The following UNC5C variants were observed in gnomAD, a reference collection of about 807,000 sequenced individuals.
The protein encoded by UNC5C is netrin receptor UNC5C.
Under a neutral mutation model 99.8 loss-of-function variants are expected in UNC5C, and 47 were observed. The ratio of observed to expected loss-of-function variants is 0.47; its 90% CI spans 0.37 to 0.60. UNC5C has a LOEUF of 0.60. Among genes scored for constraint, UNC5C ranks in the 20% least tolerant of loss-of-function variants. The probability of loss-of-function intolerance (pLI) is 0.00; values close to 1 mark genes in which losing one functional copy is unlikely to be tolerated. For synonymous variants in UNC5C, 487 were observed against 452.2 expected, an observed-to-expected ratio of 1.08 and a Z score of -0.98; for missense variants, 1,062 against 1,165.9, an observed-to-expected ratio of 0.91 and a Z score of 1.30.
At chr4:95,369,053 C>T (rs938596320) in intron 1 of UNC5C, among the ~76,000 whole-genome samples, 1 of 152,000 alleles carries the variant, frequency 6.6e-6, no homozygotes, top group African/African-American at 2.4e-5. Context: ...GAGATGGAGT[C>T]TCACTATGTT....
intron 1 of UNC5C, among the ~76,000 whole-genome samples, chr4:95,381,873 T>C (rs1745081068): frequency 6.6e-6 from 1 of 152,184 alleles, no homozygotes; most frequent in Non-Finnish European, 1.5e-5. Context: ...TTAATAGTGA[T>C]TGGTTATTGA....
At chr4:95,507,752 A>T (rs1034520625) in intron 1 of UNC5C, among the ~76,000 whole-genome samples, 51 of 151,964 alleles carry the variant, frequency 3.4e-4, no homozygotes, top group Non-Finnish European at 2.6e-4. Flanking sequence ...CCAACTAAAG[A>T]TCTTCAAAAC....
intron 1 of UNC5C, among the ~76,000 whole-genome samples, chr4:95,338,099 G>A (rs10024121): frequency 6.6e-6 from 1 of 151,972 alleles, no homozygotes; most frequent in African/African-American, 2.4e-5. Flanking sequence ...ATGATAAAAT[G>A]CAAATAAGCT....
At chr4:95,442,373 T>A (rs1746975026) in intron 1 of UNC5C, among the ~76,000 whole-genome samples, 1 of 149,648 alleles carries the variant, frequency 6.7e-6, no homozygotes, top group Non-Finnish European at 1.5e-5. Context: ...CAGCTAATTT[T>A]TTTTTTTTTT....
chr4:95,411,456 A>T (rs1745991522), intron 1 of UNC5C, among the ~76,000 whole-genome samples: 1 of 152,130 alleles, frequency 6.6e-6, no homozygotes, highest in Non-Finnish European at 1.5e-5. Context: ...CTGGCACATT[A>T]TGTTACTTTT....
intron 1 of UNC5C, among the ~76,000 whole-genome samples, chr4:95,453,152 C>T (rs1225739395): frequency 6.6e-6 from 1 of 152,116 alleles, no homozygotes; most frequent in Admixed American, 6.6e-5. Context: ...ATTGACTGAA[C>T]CTACCAGACT....
At chr4:95,228,838 C>A (rs180989408) in intron 7 of UNC5C, among the ~76,000 whole-genome samples, 2 of 152,174 alleles carry the variant, frequency 1.3e-5, no homozygotes, top group Admixed American at 6.5e-5. Context: ...CCAAAAATAG[C>A]ATAGAGAGGT....
In UNC5C at chr4:95,525,463, T is replaced by G. The variant is rs142180584; in HGVS notation, c.124+23271A>C. Among the ~76,000 whole-genome samples, 1,409 of 152,090 alleles carry G rather than the reference T, an allele frequency of 9.3e-3. 17 individuals are homozygous for G. The highest frequency in any genetic ancestry group is 0.032 in the African/African-American group (1,343 of 41,486). On this transcript the variant is annotated intron_variant, in intron 1 of 15. Transcript: ENST00000453304. ...ATTCTAGAAATTTTTAATCAAATGA[T>G]TTTTGTAAATCCCACAAGATAAAAA...
intron 1 of UNC5C, among the ~76,000 whole-genome samples, chr4:95,391,819 G>T (rs541566551): frequency 1.3e-5 from 2 of 150,036 alleles, no homozygotes; most frequent in Non-Finnish European, 3.0e-5. Flanking sequence ...GCTCACACCT[G>T]TAATCCCAGC....
At chr4:95,336,078 A>C (rs1318108659) in intron 1 of UNC5C, among the ~76,000 whole-genome samples, 1 of 151,926 alleles carries the variant, frequency 6.6e-6, no homozygotes, top group African/African-American at 2.4e-5. Flanking sequence ...GCCGAGCAGA[A>C]ATATTAGAAA....
At chr4:95,303,558 C>G (rs929196198) in intron 2 of UNC5C, among the ~76,000 whole-genome samples, 5 of 152,186 alleles carry the variant, frequency 3.3e-5, no homozygotes, top group African/African-American at 1.2e-4. Flanking sequence ...CGCCTGTAAT[C>G]CCAGCTACTC....
chr4:95,401,727 C>A (rs576150721), intron 1 of UNC5C, among the ~76,000 whole-genome samples: 23 of 152,310 alleles, frequency 1.5e-4, no homozygotes, highest in Non-Finnish European at 3.1e-4. Flanking sequence ...TGGGGCATAA[C>A]AAGTAGCCCA....
At chr4:95,266,124 TCTGA>T (rs554798144) in intron 4 of UNC5C, among the ~76,000 whole-genome samples, 26 of 152,178 alleles carry the variant, frequency 1.7e-4, no homozygotes, top group Non-Finnish European at 2.6e-4. Flanking sequence ...CTGAAAGAAA[TCTGA>T]CTTTCAATTT....
intron 12 of UNC5C, among the ~76,000 whole-genome samples, chr4:95,190,016 A>G (rs890766940): frequency 1.1e-4 from 16 of 152,194 alleles, no homozygotes; most frequent in African/African-American, 3.9e-4. Flanking sequence ...ACTATAAATC[A>G]TGCTGCTATA....
At chr4:95,230,509 T>C (rs1478638692) in intron 7 of UNC5C, among the ~76,000 whole-genome samples, 2 of 152,188 alleles carry the variant, frequency 1.3e-5, no homozygotes, top group Non-Finnish European at 2.9e-5. Context: ...AGTCATGAAG[T>C]CTTTGCCCAT....
chr4:95,460,304 C>T (rs186270956), intron 1 of UNC5C, among the ~76,000 whole-genome samples: 1 of 143,472 alleles, frequency 7.0e-6, no homozygotes, highest in Non-Finnish European at 1.5e-5. Flanking sequence ...AATAGCCATT[C>T]TAATAATAAC....
At chr4:95,518,519 T>A (rs1252420999) in intron 1 of UNC5C, among the ~76,000 whole-genome samples, 2 of 152,174 alleles carry the variant, frequency 1.3e-5, no homozygotes, top group African/African-American at 4.8e-5. Context: ...CAGAAAACTA[T>A]CTGAAGTCCC....
intron 1 of UNC5C, among the ~76,000 whole-genome samples, chr4:95,395,418 T>C (rs529841121): frequency 1.3e-5 from 2 of 152,174 alleles, no homozygotes; most frequent in Non-Finnish European, 2.9e-5. Context: ...TTTTAAAAAA[T>C]TAGAACAAAG....
At chr4:95,225,605 C>T (rs541895859) in intron 7 of UNC5C, among the ~76,000 whole-genome samples, 57 of 151,864 alleles carry the variant, frequency 3.8e-4, no homozygotes, top group African/African-American at 1.3e-3. Flanking sequence ...AATTAAATAT[C>T]GCCTCACTCT....
Sources: allele counts gnomAD v4.1 joint callset (sites outside exome capture counted in the v4.1 genomes callset), GRCh38; gene constraint gnomAD v4.1.1; transcripts MANE v1.5; gene names NCBI Gene and HGNC (gene_info 2026-07-23, HGNC 2026-07-21).